The following FGF10 variants were observed in gnomAD, a reference collection of about 807,000 sequenced individuals.
FGF10 encodes the protein fibroblast growth factor 10, also known as FGF-10.
FGF10 carries 2 observed loss-of-function variants against 19.8 expected under a neutral mutation model. The ratio of observed to expected loss-of-function variants is 0.10; its 90% CI spans 0.04 to 0.32. The LOEUF is 0.32. FGF10 is among the 10% of genes least tolerant of loss of function. The pLI is 1.00. For synonymous variants in FGF10, 112 were observed against 94.0 expected (o/e 1.19, Z -1.10); for missense variants, 191 against 246.3 (o/e 0.78, Z 1.50).
chr5:44,325,345 G>A (rs1265527988), intron 1 of FGF10, among the ~76,000 whole-genome samples: 2 of 151,888 alleles, frequency 1.3e-5, no homozygotes, highest in African/African-American at 4.8e-5. Flanking sequence ...CAGGGATCTA[G>A]AACTAGAAAT....
At chr5:44,362,152 T>C (rs1207052734) in intron 1 of FGF10, among the ~76,000 whole-genome samples, 1 of 151,704 alleles carries the variant, frequency 6.6e-6, no homozygotes, top group Non-Finnish European at 1.5e-5. Flanking sequence ...TTACCATCTT[T>C]GTGAACTTGG....
At chr5:44,349,441 T>TC (rs1215715228) in intron 1 of FGF10, among the ~76,000 whole-genome samples, 183 of 12,406 alleles carry the variant, frequency 0.015, 20 homozygotes, top group African/African-American at 0.036. Context: ...TATATATATA[T>TC]ATATATATAT....
intron 1 of FGF10, among the ~76,000 whole-genome samples, chr5:44,333,815 A>G (rs1740789257): frequency 6.6e-6 from 1 of 152,120 alleles, no homozygotes; most frequent in African/African-American, 2.4e-5. Context: ...TGAGTAATAA[A>G]TAATGTGTGT....
intron 1 of FGF10, among the ~76,000 whole-genome samples, chr5:44,313,588 G>GT (rs11324688): frequency 0.4 from 58,782 of 146,654 alleles, 11,927 homozygotes; most frequent in South Asian, 0.48. Context: ...ATAAAAAAAG[G>GT]TTTTTTTTTT....
intron 1 of FGF10, among the ~76,000 whole-genome samples, chr5:44,381,292 T>C (rs1330178679): frequency 6.6e-6 from 1 of 152,152 alleles, no homozygotes; most frequent in Non-Finnish European, 1.5e-5. Context: ...ATATTGAATT[T>C]ACACCATTGA....
chr5:44,348,809 G>A (rs1215368941), intron 1 of FGF10, among the ~76,000 whole-genome samples: 1 of 151,494 alleles, frequency 6.6e-6, no homozygotes, highest in Non-Finnish European at 1.5e-5. Context: ...TTATCTGGCA[G>A]CTCTACATGG....
chr5:44,326,455 G>C (rs1015500769), intron 1 of FGF10, among the ~76,000 whole-genome samples: 3 of 152,086 alleles, frequency 2.0e-5, no homozygotes, highest in African/African-American at 7.2e-5. Flanking sequence ...CTGGAGTGCA[G>C]TTCCATGATC....
intron 1 of FGF10, among the ~76,000 whole-genome samples, chr5:44,340,031 C>A (rs1250119594): frequency 6.6e-6 from 1 of 152,096 alleles, no homozygotes; most frequent in African/African-American, 2.4e-5. Flanking sequence ...TAGAAAGTAG[C>A]CTCATCTTTG....
At chr5:44,329,489 T>G (rs964591084) in intron 1 of FGF10, among the ~76,000 whole-genome samples, 3 of 152,096 alleles carry the variant, frequency 2.0e-5, no homozygotes, top group Non-Finnish European at 4.4e-5. Context: ...CTTTTCTATA[T>G]TTGTAGAAGT....
At chr5:44,337,790 A>C (rs908285327) in intron 1 of FGF10, among the ~76,000 whole-genome samples, 1 of 152,058 alleles carries the variant, frequency 6.6e-6, no homozygotes, top group Non-Finnish European at 1.5e-5. Context: ...AAATACAAAA[A>C]ATTAGCCAGG....
In FGF10 at chr5:44,353,614, A is replaced by G. The variant is rs138284329; in HGVS notation, c.325+34744T>C. On this transcript the variant is annotated intron_variant, in intron 1 of 2. Transcript: ENST00000264664. ...TATTATGAGAGCTCAGGTACCTTCT[A>G]ATTTAAAAGATTCTCTTAACAAAAT... 8.0e-4 allele frequency among the ~76,000 whole-genome samples: 122 copies of G among 151,666 alleles called. 3 individuals carry two copies. In the East Asian group the frequency reaches 0.018, roughly 23 times the overall value.
At chr5:44,317,117 C>T (rs1173012051) in intron 1 of FGF10, among the ~76,000 whole-genome samples, 1 of 152,130 alleles carries the variant, frequency 6.6e-6, no homozygotes, top group Non-Finnish European at 1.5e-5. Flanking sequence ...CTAGACTGGG[C>T]TAATCAGTAA....
intron 1 of FGF10, among the ~76,000 whole-genome samples, chr5:44,381,893 A>G (rs1741992525): frequency 2.6e-5 from 4 of 152,172 alleles, no homozygotes; most frequent in Admixed American, 2.6e-4. Context: ...TTAGTTGACA[A>G]TTCTTTGAAA....
At chr5:44,346,332 A>G (rs150412618) in intron 1 of FGF10, among the ~76,000 whole-genome samples, 194 of 151,968 alleles carry the variant, frequency 1.3e-3, no homozygotes, top group African/African-American at 4.5e-3. Context: ...TCCCCAAAAT[A>G]AAGTGAATTA....
intron 1 of FGF10, among the ~76,000 whole-genome samples, chr5:44,344,603 T>TGTGTGTGTGTGTGTGTGTGTGTG (rs58735673): frequency 1.3e-5 from 2 of 149,256 alleles, no homozygotes; most frequent in South Asian, 2.1e-4. Context: ...TGTGTGTGTG[T>TGTGTGTGTGTGTGTGTGTGTGTG]TAAACCAACT....
intron 1 of FGF10, among the ~76,000 whole-genome samples, chr5:44,339,012 T>C (rs1740910652): frequency 1.3e-5 from 2 of 152,180 alleles, no homozygotes; most frequent in Admixed American, 6.5e-5. Flanking sequence ...TCCTGTTCAT[T>C]TAAGACCAAC....
Position 44,369,451 on chromosome 5 carries a change from C to A in FGF10, c.325+18907G>T, listed in dbSNP as rs185984415. 8.5e-5 allele frequency among the ~76,000 whole-genome samples: 13 copies of A among 152,184 alleles called. No homozygotes were observed. In the South Asian group the frequency reaches 2.1e-3, roughly 24 times the overall value. On this transcript the variant is annotated intron_variant, in intron 1 of 2. Coordinates refer to ENST00000264664, the MANE Select transcript of FGF10 (RefSeq NM_004465.2). ...ACACTCTTGGGGTTAGACGCACATA[C>A]GCATAAATTCCTGTGGCTTAAAAAA...
At chr5:44,342,025 A>C (rs982201336) in intron 1 of FGF10, among the ~76,000 whole-genome samples, 2 of 152,014 alleles carry the variant, frequency 1.3e-5, no homozygotes, top group Non-Finnish European at 2.9e-5. Context: ...AATATTCTTT[A>C]AAAAGAGTGT....
rs1268684037 is a variant in FGF10, at chr5:44,300,865, C to T, written c.*4130G>A. Among the ~76,000 whole-genome samples, 1 of 151,878 alleles carries T rather than the reference C, an allele frequency of 6.6e-6. No individual in the cohort carries two copies. The highest frequency in any genetic ancestry group is 1.5e-5 in the Non-Finnish European group (1 of 67,984). ...TTGGTCTAGAGGTTGGTATGTTATC[C>T]AAACCTGGCCAATAAGAGTTATATC... On this transcript the variant is annotated 3_prime_UTR_variant, in exon 3 of 3. Coordinates refer to ENST00000264664, the MANE Select transcript of FGF10 (RefSeq NM_004465.2).
Sources: allele counts gnomAD v4.1 joint callset (sites outside exome capture counted in the v4.1 genomes callset), GRCh38; gene constraint gnomAD v4.1.1; transcripts MANE v1.5; gene names NCBI Gene and HGNC (gene_info 2026-07-23, HGNC 2026-07-21).